The following EYA1 variants were observed in gnomAD, a reference collection of about 807,000 sequenced individuals.
EYA1 encodes protein phosphatase EYA1.
EYA1 carries 16 observed loss-of-function variants against 82.0 expected under a neutral mutation model. That is an observed-to-expected ratio of 0.20 (90% CI 0.13 to 0.30). EYA1 has a LOEUF of 0.30. EYA1 is among the 10% of genes least tolerant of loss of function. The pLI is 1.00. For missense variants in EYA1, 633 were observed against 730.7 expected (o/e 0.87, Z 1.54); for synonymous variants, 261 against 264.4 (o/e 0.99, Z 0.12).
At chr8:71,231,492 A>G (rs1359852464) in intron 12 of EYA1, among the ~76,000 whole-genome samples, 1 of 152,176 alleles carries the variant, frequency 6.6e-6, no homozygotes, top group African/African-American at 2.4e-5. Context: ...CACTGCTCCA[A>G]CACTCTGCCT....
chr8:71,303,602 G>A (rs1481223675), intron 7 of EYA1, among the ~76,000 whole-genome samples: 2 of 140,662 alleles, frequency 1.4e-5, no homozygotes, highest in Admixed American at 7.1e-5. Context: ...TCGCAGGGCC[G>A]CTCCACCTGC....
chr8:71,347,886 A>C (rs6999274), intron 3 of EYA1, among the ~76,000 whole-genome samples: 4,658 of 15,362 alleles, frequency 0.3, 243 homozygotes, highest in African/African-American at 0.43. Context: ...GGAGGCATGC[A>C]AAAAAAAAAA....
At chr8:71,383,827 G>C (rs1305187894) in intron 2 of EYA1, among the ~76,000 whole-genome samples, 1 of 151,470 alleles carries the variant, frequency 6.6e-6, no homozygotes, top group Non-Finnish European at 1.5e-5. Flanking sequence ...CTTGAAAAAA[G>C]AAAAGAAAAG....
In EYA1 at chr8:71,299,218, G is replaced by A. The variant is rs1819928869; in HGVS notation, c.655C>T (p.Pro219Ser). 6.2e-7 allele frequency: 1 copy of A among 1,614,076 alleles called. No individual in the cohort carries two copies. The change falls in exon 9 of 18, where the codon CCC becomes TCC. Residue 219 changes from proline to serine, a missense_variant. Transcript: ENST00000340726. ...GCGTACTGACCCTGGCCAAAACTGG[G>A]ATAAGACGGATAGTCCTACCAAATC... ...NSSQQDYPSY[P>S]SFGQGQYAQY...
At chr8:71,246,371 G>A (rs1287398684) in intron 11 of EYA1, among the ~76,000 whole-genome samples, 1 of 152,214 alleles carries the variant, frequency 6.6e-6, no homozygotes, top group Non-Finnish European at 1.5e-5. Context: ...CATGATATGT[G>A]TGTCATGTGC....
intron 4 of EYA1, among the ~76,000 whole-genome samples, chr8:71,328,014 C>T (rs1320158218): frequency 6.6e-6 from 1 of 151,914 alleles, no homozygotes; most frequent in Non-Finnish European, 1.5e-5. Context: ...CGCCACCATG[C>T]CCGGCTAATT....
intron 2 of EYA1, among the ~76,000 whole-genome samples, chr8:71,496,226 A>G (rs995152739): frequency 6.6e-6 from 1 of 152,196 alleles, no homozygotes; most frequent in African/African-American, 2.4e-5. Flanking sequence ...CCATGTAATA[A>G]ATCAGTTTGT....
intron 11 of EYA1, among the ~76,000 whole-genome samples, chr8:71,266,866 C>T (rs1002168746): frequency 6.6e-6 from 1 of 152,192 alleles, no homozygotes; most frequent in Non-Finnish European, 1.5e-5. Context: ...CGACTATTTT[C>T]TCAGTTGCCC....
intron 2 of EYA1, among the ~76,000 whole-genome samples, chr8:71,520,766 A>G (rs186844413): frequency 1.5e-3 from 222 of 152,292 alleles, no homozygotes; most frequent in African/African-American, 5.0e-3. Context: ...GAGATAATGA[A>G]GTTCGGAAAT....
intron 4 of EYA1, among the ~76,000 whole-genome samples, chr8:71,332,152 C>T (rs1823951457): frequency 6.6e-6 from 1 of 152,164 alleles, no homozygotes; most frequent in Admixed American, 6.5e-5. Context: ...CATGCCTGGC[C>T]AAAACTTGCT....
At chr8:71,429,034 C>G (rs888761623) in intron 2 of EYA1, among the ~76,000 whole-genome samples, 1 of 152,098 alleles carries the variant, frequency 6.6e-6, no homozygotes, top group Admixed American at 6.5e-5. Context: ...GTATAAGACC[C>G]CTTGATGGAA....
intron 9 of EYA1, among the ~76,000 whole-genome samples, chr8:71,275,520 G>A (rs1817063299): frequency 6.6e-6 from 1 of 152,178 alleles, no homozygotes; most frequent in African/African-American, 2.4e-5. Context: ...ATGTAATTAA[G>A]GAAATGAGTG....
intron 2 of EYA1, among the ~76,000 whole-genome samples, chr8:71,381,481 G>A (rs1357631233): frequency 6.6e-6 from 1 of 152,144 alleles, no homozygotes; most frequent in African/African-American, 2.4e-5. Flanking sequence ...ATATAACCAG[G>A]GGTCAGGCTG....
At chr8:71,529,131 T>A (rs1342546424) in intron 2 of EYA1, among the ~76,000 whole-genome samples, 6 of 152,224 alleles carry the variant, frequency 3.9e-5, no homozygotes, top group African/African-American at 1.4e-4. Context: ...ATTGAAATAA[T>A]TCTTAGAATA....
intron 9 of EYA1, among the ~76,000 whole-genome samples, chr8:71,281,278 C>T (rs1425124116): frequency 1.3e-5 from 2 of 151,888 alleles, no homozygotes; most frequent in Non-Finnish European, 1.5e-5. Flanking sequence ...TCATTAATGC[C>T]ACCTCATACT....
intron 12 of EYA1, among the ~76,000 whole-genome samples, chr8:71,240,248 C>T (rs902622537): frequency 1.3e-5 from 2 of 150,436 alleles, no homozygotes; most frequent in African/African-American, 4.9e-5. Context: ...CTAGTGGGAC[C>T]AGAACTTTCT....
At chr8:71,289,254 T>C (rs927292522) in intron 9 of EYA1, among the ~76,000 whole-genome samples, 3 of 152,010 alleles carry the variant, frequency 2.0e-5, no homozygotes, top group African/African-American at 7.2e-5. Context: ...AAGTGGAAAA[T>C]GAGGGAGAAT....
intron 2 of EYA1, among the ~76,000 whole-genome samples, chr8:71,407,982 G>C (rs940948622): frequency 6.6e-6 from 1 of 151,042 alleles, no homozygotes; most frequent in Non-Finnish European, 1.5e-5. Flanking sequence ...GAAAGGTCGG[G>C]TTACCCTCAA....
At chr8:71,486,148 A>T (rs1390651108) in intron 2 of EYA1, among the ~76,000 whole-genome samples, 1 of 152,164 alleles carries the variant, frequency 6.6e-6, no homozygotes, top group Non-Finnish European at 1.5e-5. Context: ...GCACTATCAG[A>T]CTAGTATTGA....
Sources: allele counts gnomAD v4.1 joint callset (sites outside exome capture counted in the v4.1 genomes callset), GRCh38; gene constraint gnomAD v4.1.1; transcripts MANE v1.5; gene names NCBI Gene and HGNC (gene_info 2026-07-23, HGNC 2026-07-21).